Variants in CNTNAP2 observed in about 807,000 individuals in gnomAD.
CNTNAP2 encodes contactin-associated protein-like 2.
In CNTNAP2, 98 loss-of-function variants were observed where a neutral mutation model predicts 155.2. That is an observed-to-expected ratio of 0.63 (90% CI 0.54 to 0.75). The LOEUF (loss-of-function observed/expected upper bound fraction) is 0.75. Among genes scored for constraint, CNTNAP2 ranks in the 30% least tolerant of loss-of-function variants. CNTNAP2 has a pLI of 0.00. For missense variants in CNTNAP2, 1,727 were observed against 1,688.1 expected (o/e 1.02, Z -0.40); for synonymous variants, 651 against 631.2 (o/e 1.03, Z -0.47).
intron 1 of CNTNAP2, among the ~76,000 whole-genome samples, chr7:146,146,120 CAT>C (rs1386688450): frequency 1.3e-5 from 2 of 152,084 alleles, no homozygotes; most frequent in Admixed American, 6.6e-5. Context: ...AAATGTATAA[CAT>C]ATCATTTTAA....
chr7:146,939,102 T>G (rs569615538), intron 3 of CNTNAP2, among the ~76,000 whole-genome samples: 11 of 152,172 alleles, frequency 7.2e-5, no homozygotes, highest in Admixed American at 2.6e-4. Context: ...ATAGAAAACT[T>G]AACAAATGCT....
chr7:148,146,680 T>C (rs1419439600), intron 16 of CNTNAP2, among the ~76,000 whole-genome samples: 3 of 152,188 alleles, frequency 2.0e-5, no homozygotes, highest in East Asian at 3.9e-4. Context: ...TCCAGAAATG[T>C]TGTGCTACCT....
At chr7:147,945,742 G>GTAAAA (rs1208298318) in intron 14 of CNTNAP2, among the ~76,000 whole-genome samples, 59 of 151,178 alleles carry the variant, frequency 3.9e-4, no homozygotes, top group African/African-American at 1.2e-3. Context: ...CCAGAAGATG[G>GTAAAA]TAAAATAAAA....
intron 13 of CNTNAP2, among the ~76,000 whole-genome samples, chr7:147,642,011 C>CGTGTGCGTGTGTGTGTGT (rs5888277): frequency 6.7e-6 from 1 of 149,600 alleles, no homozygotes; most frequent in African/African-American, 2.5e-5. Flanking sequence ...TGTGTGTGTG[C>CGTGTGCGTGTGTGTGTGT]GTGTGTGTGT....
At chr7:146,333,088 C>A (rs2017528) in intron 1 of CNTNAP2, among the ~76,000 whole-genome samples, 10,613 of 151,500 alleles carry the variant, frequency 0.07, 1,056 homozygotes, top group African/African-American at 0.22. Flanking sequence ...GGATTATAGG[C>A]GTGTGCCACT....
chr7:146,228,141 G>A (rs1799325687), intron 1 of CNTNAP2, among the ~76,000 whole-genome samples: 1 of 152,190 alleles, frequency 6.6e-6, no homozygotes, highest in African/African-American at 2.4e-5. Flanking sequence ...AGAATTCAAA[G>A]CACTATAGCG....
chr7:148,095,526 A>G (rs961225918), intron 15 of CNTNAP2, among the ~76,000 whole-genome samples: 9 of 152,244 alleles, frequency 5.9e-5, no homozygotes, highest in Non-Finnish European at 1.2e-4. Context: ...CATCTGCATC[A>G]GAGGCAGCTG....
At position 146,352,750 on chromosome 7, in the gene CNTNAP2, G is replaced by GTTTTTTTTTTTTTTTTTTTTTTTTT. The variant is rs531124445; in HGVS notation, c.97+235798_97+235799insTTTTTTTTTTTTTTTTTTTTTTTTT. ...TTATAATTTCAATTAGCATAATTCT[G>GTTTTTTTTTTTTTTTTTTTTTTTTT]TTTTTTTTTTTTTTTTTTTTTCGAG... On this transcript the variant is annotated intron_variant, in intron 1 of 23. Coordinates refer to ENST00000361727, the MANE Select transcript of CNTNAP2 (RefSeq NM_014141.6). Among the ~76,000 whole-genome samples, 11 of 64,312 alleles carry GTTTTTTTTTTTTTTTTTTTTTTTTT rather than the reference G, an allele frequency of 1.7e-4. 3 individuals are homozygous for GTTTTTTTTTTTTTTTTTTTTTTTTT. Among genetic ancestry groups the GTTTTTTTTTTTTTTTTTTTTTTTTT allele is most frequent in the African/African-American group, 1.9e-4 (3 of 15,570 alleles). The allele number at this position is 64,312 out of a possible 152,430, so 42.2% of individuals were successfully genotyped here.
chr7:146,805,861 T>C (rs982019614), intron 2 of CNTNAP2, among the ~76,000 whole-genome samples: 3 of 152,240 alleles, frequency 2.0e-5, no homozygotes, highest in African/African-American at 7.2e-5. Context: ...GGCAGCAATA[T>C]TTAACTATGT....
At chr7:148,369,157 T>TTTTTATA (rs1798839264) in intron 21 of CNTNAP2, among the ~76,000 whole-genome samples, 1 of 61,948 alleles carries the variant, frequency 1.6e-5, no homozygotes, top group Non-Finnish European at 4.1e-5. Flanking sequence ...TATTTTTATA[T>TTTTTATA]TTTTTTTAAT....
intron 18 of CNTNAP2, among the ~76,000 whole-genome samples, chr7:148,206,176 C>T (rs1442084822): frequency 6.7e-6 from 1 of 148,574 alleles, no homozygotes; most frequent in African/African-American, 2.5e-5. Flanking sequence ...CCAACTTGCT[C>T]TCACATGGTT....
At chr7:147,268,375 G>T (rs181764811) in intron 8 of CNTNAP2, among the ~76,000 whole-genome samples, 2 of 152,112 alleles carry the variant, frequency 1.3e-5, no homozygotes, top group African/African-American at 2.4e-5. Flanking sequence ...GCAGGAACAT[G>T]GATGAAGCTG....
chr7:147,579,761 A>C (rs6973502), intron 12 of CNTNAP2, among the ~76,000 whole-genome samples: 104,938 of 151,950 alleles, frequency 0.69, 36,803 homozygotes, highest in African/African-American at 0.81. Flanking sequence ...ATTGCTTCCT[A>C]CTGTGCTGTC....
At chr7:148,086,119 A>G (rs760951666) in intron 15 of CNTNAP2, among the ~76,000 whole-genome samples, 6 of 152,196 alleles carry the variant, frequency 3.9e-5, no homozygotes, top group Non-Finnish European at 7.3e-5. Flanking sequence ...AGTTTGCCCA[A>G]CTAGAAATTG....
intron 3 of CNTNAP2, among the ~76,000 whole-genome samples, chr7:146,840,116 T>G (rs1312336959): frequency 6.6e-6 from 1 of 152,206 alleles, no homozygotes. Flanking sequence ...GACTATGAAT[T>G]TGAATCACCT....
intron 15 of CNTNAP2, among the ~76,000 whole-genome samples, chr7:148,078,254 G>A (rs1803533744): frequency 6.6e-6 from 1 of 151,984 alleles, no homozygotes; most frequent in Admixed American, 6.6e-5. Context: ...AGTAGAGATG[G>A]CATTTTGCCA....
intron 8 of CNTNAP2, chr7:147,162,192 A>G (rs1476614804): frequency 6.6e-6 from 1 of 152,176 alleles, no homozygotes; most frequent in Non-Finnish European, 1.5e-5. Context: ...CCATTTATAG[A>G]TGGTCTACTA....
At position 148,196,353 on chromosome 7, in the gene CNTNAP2, T is replaced by C. The variant is rs569046477; in HGVS notation, c.3011-20935T>C. 9.8e-5 allele frequency among the ~76,000 whole-genome samples: 15 copies of C among 152,312 alleles called. No individual in the cohort carries two copies. The East Asian group carries it at 1.7e-3, about 18-fold the overall frequency. On this transcript the variant is annotated intron_variant, in intron 18 of 23. Coordinates refer to ENST00000361727, the MANE Select transcript of CNTNAP2 (RefSeq NM_014141.6). ...TATTAGACTTTTCTAGTTCCTTGTGTAGTCAGGGATAGAAGAGTTCGCTGC... is the reference window on the plus strand; with the variant it reads ...TATTAGACTTTTCTAGTTCCTTGTGCAGTCAGGGATAGAAGAGTTCGCTGC...
At chr7:147,227,637 G>A (rs1803579077) in intron 8 of CNTNAP2, among the ~76,000 whole-genome samples, 1 of 152,118 alleles carries the variant, frequency 6.6e-6, no homozygotes, top group Non-Finnish European at 1.5e-5. Context: ...TTTTTGCCCT[G>A]GAGTATTAGA....
Sources: gnomAD v4.1 joint callset for allele counts (sites outside exome capture counted in the v4.1 genomes callset) on GRCh38, gnomAD v4.1.1 for gene constraint, MANE v1.5 for transcripts, NCBI Gene and HGNC (gene_info 2026-07-23, HGNC 2026-07-21) for gene names.